Variants in MPZL1 observed in about 807,000 individuals in gnomAD.
MPZL1 encodes myelin protein zero like 1.
MPZL1 carries 16 observed loss-of-function variants against 29.3 expected under a neutral mutation model. The observed-to-expected ratio is 0.55, with a 90% confidence interval of 0.37 to 0.83. The LOEUF (loss-of-function observed/expected upper bound fraction) is 0.83, where lower values mean the gene tolerates loss of function less well. Ranked by LOEUF, MPZL1 falls within the 40% of genes least tolerant of loss-of-function variation. The pLI, the probability that MPZL1 is intolerant of heterozygous loss-of-function variation, is 0.00. For synonymous variants in MPZL1, 143 were observed against 132.0 expected (o/e 1.08, Z -0.57); for missense variants, 279 against 332.9 (o/e 0.84, Z 1.26).
intron 1 of MPZL1, among the ~76,000 whole-genome samples, chr1:167,739,288 T>TATATATATATACAC: frequency 9.2e-6 from 1 of 108,306 alleles, no homozygotes; most frequent in African/African-American, 5.9e-5. Context: ...TATACATATA[T>TATATATATATACAC]ATATATATAT....
chr1:167,763,387 G>A (rs1553255673), intron 1 of MPZL1, among the ~76,000 whole-genome samples: 1 of 151,782 alleles, frequency 6.6e-6, no homozygotes, highest in Admixed American at 6.6e-5. Flanking sequence ...GTCGTGGTGG[G>A]TGTCTGTAAT....
At chr1:167,769,611 A>G (rs1172512510) in intron 2 of MPZL1, among the ~76,000 whole-genome samples, 1 of 152,158 alleles carries the variant, frequency 6.6e-6, no homozygotes, top group Non-Finnish European at 1.5e-5. Context: ...TTCTGTCAGC[A>G]CCTATGAACC....
chr1:167,732,867 CAA>C (rs1053933420), intron 1 of MPZL1, among the ~76,000 whole-genome samples: 1 of 152,208 alleles, frequency 6.6e-6, no homozygotes, highest in African/African-American at 2.4e-5. Flanking sequence ...CTTGGCCTCC[CAA>C]AGTCATTTTA....
Position 167,788,163 on chromosome 1 carries a change from G to A in MPZL1, c.*242G>A. The stretch of plus-strand genomic sequence containing the variant: ...GTATGATTCTACATATGTACCCATT[G>A]TCTTGCTGTTTTTGTACTTTCTTTT... On this transcript the variant is annotated 3_prime_UTR_variant, in exon 6 of 6. Coordinates refer to ENST00000359523, the MANE Select transcript of MPZL1 (RefSeq NM_003953.6). 2.6e-6 allele frequency: 1 copy of A among 383,530 alleles called. No homozygotes were observed. Among genetic ancestry groups the A allele is most frequent in the Non-Finnish European group, 4.8e-6 (1 of 210,380 alleles). 23.8% of individuals were successfully genotyped at this position (383,530 alleles called of 1,614,324 possible). A position where few individuals can be genotyped will look rare whatever the true frequency, so the allele number is the denominator to read the frequency against.
chr1:167,722,302 G>A, intron 1 of MPZL1, 60 bp downstream of exon 1: 3 of 1,231,674 alleles, frequency 2.4e-6, no homozygotes, highest in Non-Finnish European at 3.0e-6. Flanking sequence ...CCCGACACAC[G>A]CCCATCGCGG....
At position 167,722,253 on chromosome 1, in the gene MPZL1, C is replaced by T. The variant is rs766354090; in HGVS notation, c.91+11C>T. 1.5e-5 allele frequency: 19 copies of T among 1,238,138 alleles called. No homozygotes were observed. The Middle Eastern group carries it at 3.2e-3, about 211-fold the overall frequency. The allele number at this position is 1,238,138 out of a possible 1,614,324, so 76.7% of individuals were successfully genotyped here. ...CGGCGCTTGGGCTCTGTAAGTGATG[C>T]CAGGACCAGGGCTGGGGCCGGGGAG... On this transcript the variant is annotated intron_variant, in intron 1 of 5. Coordinates refer to ENST00000359523, the MANE Select transcript of MPZL1 (RefSeq NM_003953.6).
chr1:167,743,547 T>C (rs771409073), intron 1 of MPZL1, among the ~76,000 whole-genome samples: 74 of 152,010 alleles, frequency 4.9e-4, no homozygotes, highest in Non-Finnish European at 7.7e-4. Flanking sequence ...ATGGGATGTG[T>C]TTCCTTTTGT....
chr1:167,771,147 G>T (rs1011095555), intron 2 of MPZL1, among the ~76,000 whole-genome samples: 3 of 152,012 alleles, frequency 2.0e-5, no homozygotes, highest in African/African-American at 7.3e-5. Context: ...GCGGCCTTCC[G>T]CAGTGTTTGT....
At chr1:167,746,160 A>T (rs2213883) in intron 1 of MPZL1, among the ~76,000 whole-genome samples, 1 of 151,978 alleles carries the variant, frequency 6.6e-6, no homozygotes, top group African/African-American at 2.4e-5. Flanking sequence ...GTTGCCTTGA[A>T]GGAAGAGTGG....
chr1:167,790,852 T>C lies in MPZL1; in HGVS notation c.*2931T>C, dbSNP rs761296207. ...TGTTGTGTGCTCATTTTGACCAGAA[T>C]AGAAAAAGAGATATGCCTTTCACTC... On this transcript the variant is annotated 3_prime_UTR_variant, in exon 6 of 6. Coordinates refer to ENST00000359523, the MANE Select transcript of MPZL1 (RefSeq NM_003953.6). 1 of 152,226 alleles carries C rather than the reference T, an allele frequency of 6.6e-6. No individual in the cohort carries two copies. The highest frequency in any genetic ancestry group is 2.4e-5 in the African/African-American group (1 of 41,474). 9.4% of individuals were successfully genotyped at this position (152,226 alleles called of 1,614,324 possible).
chr1:167,751,109 T>G (rs1660745874), intron 1 of MPZL1, among the ~76,000 whole-genome samples: 1 of 152,224 alleles, frequency 6.6e-6, no homozygotes, highest in Admixed American at 6.5e-5. Flanking sequence ...AGGTGTTGTC[T>G]GCCATGTTTC....
In MPZL1 at chr1:167,788,150, A is replaced by G. The variant is rs1661628482; in HGVS notation, c.*229A>G. 6.9e-6 allele frequency: 3 copies of G among 435,206 alleles called. No homozygotes were observed. Among genetic ancestry groups the G allele is most frequent in the Non-Finnish European group, 1.3e-5 (3 of 239,366 alleles). The allele number at this position is 435,206 out of a possible 1,614,324, so 27.0% of individuals were successfully genotyped here. A position where few individuals can be genotyped will look rare whatever the true frequency, so the allele number is the denominator to read the frequency against. On this transcript the variant is annotated 3_prime_UTR_variant, in exon 6 of 6. Transcript: ENST00000359523. ...TGATGAAAAGATGGTATGATTCTACATATGTACCCATTGTCTTGCTGTTTT... is the reference window on the plus strand; with the variant it reads ...TGATGAAAAGATGGTATGATTCTACGTATGTACCCATTGTCTTGCTGTTTT...
Position 167,742,588 on chromosome 1 carries a change from T to C in MPZL1, c.91+20346T>C, listed in dbSNP as rs1660555940. On this transcript the variant is annotated intron_variant, in intron 1 of 5. Coordinates refer to ENST00000359523, the MANE Select transcript of MPZL1 (RefSeq NM_003953.6). ...GAAGATTTTCTCTCACTCTGTGGGTTGTCTGTTTACTCTGCTGACTGTTCC... is the reference window on the plus strand; with the variant it reads ...GAAGATTTTCTCTCACTCTGTGGGTCGTCTGTTTACTCTGCTGACTGTTCC... Among the ~76,000 whole-genome samples, 2 of 152,168 alleles carry C rather than the reference T, an allele frequency of 1.3e-5. 1 individual carries two copies. The highest frequency in any genetic ancestry group is 4.1e-4 in the South Asian group (2 of 4,834).
intron 1 of MPZL1, among the ~76,000 whole-genome samples, chr1:167,756,682 TA>T (rs1426464125): frequency 6.6e-6 from 1 of 152,230 alleles, no homozygotes; most frequent in Non-Finnish European, 1.5e-5. Flanking sequence ...TAGTTTGATA[TA>T]TTGTATTCTT....
chr1:167,754,181 T>G (rs1234238061), intron 1 of MPZL1, among the ~76,000 whole-genome samples: 2 of 151,766 alleles, frequency 1.3e-5, no homozygotes, highest in African/African-American at 4.8e-5. Context: ...TTATTTTTGG[T>G]AGAGATGGGG....
chr1:167,725,738 G>A (rs1055729675), intron 1 of MPZL1, among the ~76,000 whole-genome samples: 3 of 152,164 alleles, frequency 2.0e-5, no homozygotes, highest in Non-Finnish European at 4.4e-5. Context: ...ACCCGCCTTG[G>A]CCTCCCAAAG....
chr1:167,759,102 A>C (rs947382662), intron 1 of MPZL1, among the ~76,000 whole-genome samples: 3 of 152,240 alleles, frequency 2.0e-5, no homozygotes, highest in Non-Finnish European at 4.4e-5. Flanking sequence ...TTTTTGAACC[A>C]AAGCTTTACT....
At chr1:167,775,501 T>C (rs1443920439) in intron 4 of MPZL1, among the ~76,000 whole-genome samples, 1 of 152,228 alleles carries the variant, frequency 6.6e-6, no homozygotes. Flanking sequence ...CCCTAATTTC[T>C]CATTCATGAC....
intron 1 of MPZL1, among the ~76,000 whole-genome samples, chr1:167,727,402 G>T (rs1157755071): frequency 6.6e-6 from 1 of 152,204 alleles, no homozygotes; most frequent in Admixed American, 6.5e-5. Flanking sequence ...TACATCTCAT[G>T]TGTACCTCAA....
Sources: gnomAD v4.1 joint callset for allele counts (sites outside exome capture counted in the v4.1 genomes callset) on GRCh38, gnomAD v4.1.1 for gene constraint, MANE v1.5 for transcripts, NCBI Gene and HGNC (gene_info 2026-07-23, HGNC 2026-07-21) for gene names.